CC2D2A: variants seen among roughly 807,000 people sequenced by gnomAD.
CC2D2A encodes coiled-coil and C2 domain containing 2A.
CC2D2A carries 155 observed loss-of-function variants against 212.9 expected under a neutral mutation model. That is an observed-to-expected ratio of 0.73 (90% CI 0.64 to 0.83). The LOEUF (loss-of-function observed/expected upper bound fraction) is 0.83. Among genes scored for constraint, CC2D2A ranks in the 40% least tolerant of loss-of-function variants. The probability of loss-of-function intolerance (pLI) is 0.00; values close to 1 mark genes in which losing one functional copy is unlikely to be tolerated. For missense variants in CC2D2A, 1,856 were observed against 1,956.2 expected (o/e 0.95, Z 0.97); for synonymous variants, 667 against 686.5 (o/e 0.97, Z 0.44).
At chr4:15,482,399 G>A in intron 4 of CC2D2A, 1 of 660,022 alleles carries the variant, frequency 1.5e-6, no homozygotes, top group Non-Finnish European at 1.9e-6. Context: ...ATTTTCTCAT[G>A]GCTCTGAAGG....
intron 4 of CC2D2A, among the ~76,000 whole-genome samples, chr4:15,486,378 A>G (rs1715000959): frequency 6.6e-6 from 1 of 151,768 alleles, no homozygotes; most frequent in Admixed American, 6.6e-5. Flanking sequence ...TCATGTTTCA[A>G]TCTTGGTAGG....
intron 28 of CC2D2A, among the ~76,000 whole-genome samples, chr4:15,573,698 C>T (rs1720270713): frequency 6.6e-6 from 1 of 152,170 alleles, no homozygotes; most frequent in Non-Finnish European, 1.5e-5. Context: ...GTTGGGCATT[C>T]TAGAAATGGG....
chr4:15,497,331 C>T (rs1356038440), intron 4 of CC2D2A, among the ~76,000 whole-genome samples: 6 of 152,050 alleles, frequency 3.9e-5, no homozygotes, highest in African/African-American at 1.4e-4. Context: ...CTCTTCCTAC[C>T]CCCTTATCTC....
At position 15,567,507 on chromosome 4, in the gene CC2D2A, T is replaced by C. The variant is rs73125629; in HGVS notation, c.3288+25T>C. ...GGTGAGAGATGCTGGACTTCAGCTT[T>C]CCACCTTGCCCCTTAAGTTTTTAAG... On this transcript the variant is annotated intron_variant, in intron 25 of 36. Transcript: ENST00000424120. 9.7e-4 allele frequency: 1,541 copies of C among 1,589,592 alleles called. 6 individuals carry two copies. The highest frequency in any genetic ancestry group is 7.6e-3 in the African/African-American group (562 of 74,252).
chr4:15,492,362 T>C (rs1187281878), intron 4 of CC2D2A, among the ~76,000 whole-genome samples: 1 of 152,220 alleles, frequency 6.6e-6, no homozygotes, highest in Non-Finnish European at 1.5e-5. Context: ...CTAACTGATC[T>C]TCTTGCTTCC....
chr4:15,574,206 G>A lies in CC2D2A; in HGVS notation c.3651G>A (p.Glu1217=), dbSNP rs1453459202. ...IPPVLLGYSK[E]RNMILERGFD... ...CAGTTCTTCTGGGCTACAGTAAGGA[G>A]CGAAATATGATTCTTGAGCGGGGTT... The change falls in exon 29 of 37, where the codon GAG becomes GAA. Residue 1217 remains glutamate (E), a synonymous_variant. Coordinates refer to ENST00000424120, the MANE Select transcript of CC2D2A (RefSeq NM_001378615.1). The A allele has an allele frequency of 1.3e-6, 2 of 1,551,374 alleles. No homozygotes were observed. The highest frequency in any genetic ancestry group is 1.4e-5 in the African/African-American group (1 of 73,042).
chr4:15,499,859 G>A (rs1277231934), intron 4 of CC2D2A, among the ~76,000 whole-genome samples: 1 of 152,012 alleles, frequency 6.6e-6, no homozygotes, highest in African/African-American at 2.4e-5. Flanking sequence ...ACCCACCCAG[G>A]CATTCCACAC....
At chr4:15,553,535 G>A (rs577421188) in intron 19 of CC2D2A, among the ~76,000 whole-genome samples, 28 of 152,164 alleles carry the variant, frequency 1.8e-4, no homozygotes, top group African/African-American at 5.1e-4. Context: ...ATCGGTATTC[G>A]ATACAGTGAA....
intron 27 of CC2D2A, among the ~76,000 whole-genome samples, chr4:15,569,710 A>G (rs890643038): frequency 6.6e-6 from 1 of 152,236 alleles, no homozygotes; most frequent in Non-Finnish European, 1.5e-5. Flanking sequence ...CTCTGCTACA[A>G]GAGTTTGTGA....
At chr4:15,500,108 T>TAC (rs1715857155) in intron 4 of CC2D2A, among the ~76,000 whole-genome samples, 1 of 19,752 alleles carries the variant, frequency 5.1e-5, no homozygotes, top group African/African-American at 8.6e-5. Flanking sequence ...TGTGTGTGTG[T>TAC]ATATATATAT....
intron 4 of CC2D2A, 49 bp from the exon 5 acceptor site, chr4:15,502,369 CCTTTTTCTTTT>C: frequency 4.3e-6 from 5 of 1,155,448 alleles, no homozygotes; most frequent in Middle Eastern, 5.0e-4. Context: ...AAGTAATTTT[CCTTTTTCTTTT>C]CTTTTTCTTT....
intron 17 of CC2D2A, among the ~76,000 whole-genome samples, chr4:15,547,726 A>G (rs973808737): frequency 1.3e-5 from 2 of 152,214 alleles, no homozygotes; most frequent in African/African-American, 4.8e-5. Context: ...TTTTAAAAAT[A>G]GCATTTCTTC....
chr4:15,515,573 G>A (rs923318280), intron 9 of CC2D2A, among the ~76,000 whole-genome samples: 1 of 152,084 alleles, frequency 6.6e-6, no homozygotes, highest in African/African-American at 2.4e-5. Flanking sequence ...AAGAGTAATA[G>A]AACTAAAACT....
In CC2D2A at chr4:15,587,941, T is replaced by G; in HGVS notation, c.4179+12T>G. ...ATGCTATTCCTGAGGTAAGACCACA[T>G]AGGCTGCCTTTAACAGAGGAGTATA... is the stretch of plus-strand genomic sequence containing the variant. On this transcript the variant is annotated intron_variant, in intron 32 of 36. Coordinates refer to ENST00000424120, the MANE Select transcript of CC2D2A (RefSeq NM_001378615.1). 1 of 1,478,234 alleles carries G rather than the reference T, an allele frequency of 6.8e-7. No homozygotes were observed. The highest frequency in any genetic ancestry group is 9.4e-7 in the Non-Finnish European group (1 of 1,058,502). The allele number at this position is 1,478,234 out of a possible 1,614,324, so 91.6% of individuals were successfully genotyped here.
At chr4:15,551,167 G>A (rs1718990939) in intron 18 of CC2D2A, among the ~76,000 whole-genome samples, 187 bp downstream of exon 18, 1 of 152,184 alleles carries the variant, frequency 6.6e-6, no homozygotes, top group Non-Finnish European at 1.5e-5. Context: ...CAATGTAAGT[G>A]CATATAACTG....
At chr4:15,500,816 C>T (rs562669877) in intron 4 of CC2D2A, among the ~76,000 whole-genome samples, 9 of 152,270 alleles carry the variant, frequency 5.9e-5, no homozygotes, top group East Asian at 1.9e-4. Flanking sequence ...CTTCCTCCCA[C>T]GACAGTGTCA....
rs200645738 is a variant in CC2D2A at position 15,599,585 on chromosome 4, G to C, written c.4553G>C (p.Arg1518Pro). ...GACTGGAGGCCACGCCATCTGACTC[G>C]GTGGAATAGGTATTGTACCTCTACT... ...IMDWRPRHLT[R>P]WNRYCTSTLR... is the part of the protein sequence containing the mutation. The change falls in exon 36 of 37, where the codon CGG (arginine) becomes CCG (proline). Residue 1518 changes from arginine (R) to proline (P), a missense_variant. Physicochemically the swap from Arg to Pro is moderately radical, Grantham distance 103 (BLOSUM62 -2). Transcript: ENST00000424120. 2 of 1,608,398 alleles carry C rather than the reference G, an allele frequency of 1.2e-6. No homozygotes were observed. Among genetic ancestry groups the C allele is most frequent in the South Asian group, 1.1e-5 (1 of 90,268 alleles).
intron 32 of CC2D2A, among the ~76,000 whole-genome samples, chr4:15,588,353 C>G (rs968367827): frequency 6.6e-6 from 1 of 152,160 alleles, no homozygotes. Context: ...TAGGTATCTG[C>G]TGCTAGCCTG....
intron 22 of CC2D2A, 69 bp downstream of exon 22, chr4:15,559,326 C>A: frequency 1.0e-6 from 1 of 993,060 alleles, no homozygotes; most frequent in Non-Finnish European, 1.5e-6. Context: ...GGAAAGTCCT[C>A]TACTCTTTTA....
Sources: gnomAD v4.1 joint callset for allele counts (sites outside exome capture counted in the v4.1 genomes callset) on GRCh38, gnomAD v4.1.1 for gene constraint, MANE v1.5 for transcripts, NCBI Gene and HGNC (gene_info 2026-07-23, HGNC 2026-07-21) for gene names.